Variants in PACSIN2 observed in about 807,000 individuals in gnomAD.
PACSIN2 encodes protein kinase C and casein kinase substrate in neurons 2, also known as protein kinase C and casein kinase substrate in neurons protein 2.
PACSIN2 carries 25 observed loss-of-function variants against 63.8 expected under a neutral mutation model. The ratio of observed to expected loss-of-function variants is 0.39; its 90% CI spans 0.29 to 0.55. The LOEUF (loss-of-function observed/expected upper bound fraction) is 0.55. PACSIN2 is among the 20% of genes least tolerant of loss of function. The pLI is 0.62. For missense variants in PACSIN2, 518 were observed against 646.9 expected (o/e 0.80, Z 2.16); for synonymous variants, 255 against 256.2 (o/e 1.00, Z 0.05).
chr22:42,945,645 A>G (rs1933384190), intron 1 of PACSIN2: 2 of 152,200 alleles, frequency 1.3e-5, no homozygotes, highest in African/African-American at 4.8e-5. Flanking sequence ...TACCACATTC[A>G]ATCAGCTTCC....
At chr22:42,941,241 C>G (rs965969943) in intron 1 of PACSIN2, among the ~76,000 whole-genome samples, 1 of 152,116 alleles carries the variant, frequency 6.6e-6, no homozygotes, top group African/African-American at 2.4e-5. Flanking sequence ...CTTTTTGTTG[C>G]TAAGTAATAT....
At chr22:42,998,576 C>G (rs1923562453) in intron 1 of PACSIN2, among the ~76,000 whole-genome samples, 1 of 152,198 alleles carries the variant, frequency 6.6e-6, no homozygotes, top group Non-Finnish European at 1.5e-5. Flanking sequence ...CTCCAGATGA[C>G]AAAAGGCTAC....
At chr22:42,979,523 C>CAAAAAAAAAAAAAAAAAAAA (rs768725896) in intron 1 of PACSIN2, among the ~76,000 whole-genome samples, 1 of 61,646 alleles carries the variant, frequency 1.6e-5, no homozygotes, top group African/African-American at 6.2e-5. Context: ...GACTCCCTCT[C>CAAAAAAAAAAAAAAAAAAAA]AAAAAAAAAA....
At chr22:42,875,217 A>G (rs894437030) in intron 10 of PACSIN2, among the ~76,000 whole-genome samples, 1 of 151,016 alleles carries the variant, frequency 6.6e-6, no homozygotes, top group Non-Finnish European at 1.5e-5. Flanking sequence ...TGGTATGAAC[A>G]TGGCTCACTG....
intron 1 of PACSIN2, among the ~76,000 whole-genome samples, chr22:42,941,460 C>T (rs1933155638): frequency 6.6e-6 from 1 of 152,096 alleles, no homozygotes; most frequent in Non-Finnish European, 1.5e-5. Context: ...CAGGAGTTTC[C>T]AACATTCAGC....
At chr22:43,009,972 T>C (rs554935836) in intron 1 of PACSIN2, among the ~76,000 whole-genome samples, 1 of 150,060 alleles carries the variant, frequency 6.7e-6, no homozygotes, top group South Asian at 2.1e-4. Flanking sequence ...CGGGTTCTAG[T>C]GATTCTCCTG....
chr22:42,936,163 C>T (rs1218746299), intron 1 of PACSIN2, among the ~76,000 whole-genome samples: 1 of 151,246 alleles, frequency 6.6e-6, no homozygotes, highest in African/African-American at 2.4e-5. Flanking sequence ...TTGCAGTGAG[C>T]CAAGATTGCG....
chr22:42,971,937 T>C (rs1438545492), intron 1 of PACSIN2, among the ~76,000 whole-genome samples: 9 of 138,268 alleles, frequency 6.5e-5, no homozygotes, highest in African/African-American at 2.5e-4. Flanking sequence ...AGGTGGGGGG[T>C]GCCTCTGCCC....
intron 10 of PACSIN2, among the ~76,000 whole-genome samples, chr22:42,875,645 C>A (rs917408192): frequency 6.6e-6 from 1 of 152,110 alleles, no homozygotes; most frequent in African/African-American, 2.4e-5. Context: ...AAGTGATTCT[C>A]CTGCCGCAGC....
intron 1 of PACSIN2, among the ~76,000 whole-genome samples, chr22:42,923,466 T>C (rs375293300): frequency 1.6e-4 from 25 of 152,302 alleles, no homozygotes; most frequent in Non-Finnish European, 3.1e-4. Flanking sequence ...TTCACTCTGT[T>C]GCCCAGGCTG....
At chr22:42,963,802 T>A (rs529675210) in intron 1 of PACSIN2, among the ~76,000 whole-genome samples, 1 of 151,376 alleles carries the variant, frequency 6.6e-6, no homozygotes, top group Admixed American at 6.6e-5. Context: ...AATCAAGATA[T>A]TTGGCAAAAG....
At position 42,948,106 on chromosome 22, in the gene PACSIN2, C is replaced by T. The variant is rs1288562390; in HGVS notation, c.-77-35949G>A. On this transcript the variant is annotated intron_variant, in intron 1 of 10. Coordinates refer to ENST00000263246, the MANE Select transcript of PACSIN2 (RefSeq NM_001184970.3). ...CTTCAGCAGGAGCAGCAAGGAAAGGCATCCCAGGTAGAGGAACCTGTGTGA... is the reference window on the plus strand; with the variant it reads ...CTTCAGCAGGAGCAGCAAGGAAAGGTATCCCAGGTAGAGGAACCTGTGTGA... Among the ~76,000 whole-genome samples the T allele has an allele frequency of 2.0e-5, 3 of 152,212 alleles. No individual in the cohort carries two copies. In the East Asian group the frequency reaches 5.8e-4, roughly 29 times the overall value.
chr22:42,994,388 C>T (rs1188116995), intron 1 of PACSIN2, among the ~76,000 whole-genome samples: 1 of 152,244 alleles, frequency 6.6e-6, no homozygotes, highest in Non-Finnish European at 1.5e-5. Flanking sequence ...AAACCAGGCA[C>T]ACACATGAAT....
intron 1 of PACSIN2, among the ~76,000 whole-genome samples, chr22:42,931,249 C>T (rs932349009): frequency 1.3e-5 from 2 of 152,224 alleles, no homozygotes; most frequent in African/African-American, 2.4e-5. Context: ...AGCCTTGCTG[C>T]AAACCAGCTG....
Position 42,876,139 on chromosome 22 carries a change from G to C in PACSIN2, c.1346C>G (p.Ala449Gly), listed in dbSNP as rs766312969. The C allele has an allele frequency of 1.2e-6, 2 of 1,608,428 alleles. No individual in the cohort carries two copies. Among genetic ancestry groups the C allele is most frequent in the East Asian group, 2.2e-5 (1 of 44,658 alleles). The change falls in exon 10 of 11, where the codon GCT (alanine) becomes GGT (glycine). Residue 449 changes from alanine to glycine, a missense_variant and splice_region_variant. Ala to Gly is a moderately conservative substitution (Grantham distance 60). Around this residue, in one of 2 missense-constraint regions of PACSIN2, gnomAD observed 507 missense variants for 612.3 expected, o/e 0.83. Coordinates refer to ENST00000263246, the MANE Select transcript of PACSIN2 (RefSeq NM_001184970.3). The part of the protein sequence containing the change: ...GQEHDELSFK[A>G]GDELTKMEDE... ...GGATGCTGGGGGAGCCCACCTACCA[G>C]CCTTGAAGCTCAGCTCATCATGCTC...
intron 1 of PACSIN2, among the ~76,000 whole-genome samples, chr22:42,989,523 G>A (rs1386222626): frequency 1.3e-5 from 2 of 148,192 alleles, no homozygotes; most frequent in African/African-American, 2.5e-5. Flanking sequence ...AAGGCCAGGT[G>A]TGGTGGTTCA....
At chr22:42,929,832 T>A (rs966220699) in intron 1 of PACSIN2, among the ~76,000 whole-genome samples, 3 of 152,176 alleles carry the variant, frequency 2.0e-5, no homozygotes, top group African/African-American at 7.2e-5. Flanking sequence ...AGATACTAAT[T>A]ATTCTTTAAG....
At chr22:42,999,195 A>G (rs571022703) in intron 1 of PACSIN2, among the ~76,000 whole-genome samples, 33 of 152,328 alleles carry the variant, frequency 2.2e-4, no homozygotes, top group African/African-American at 7.9e-4. Context: ...CCAGAGCCCA[A>G]AAGTGCTCGC....
At chr22:42,986,273 G>A (rs1255749595) in intron 1 of PACSIN2, among the ~76,000 whole-genome samples, 2 of 152,148 alleles carry the variant, frequency 1.3e-5, no homozygotes, top group African/African-American at 2.4e-5. Context: ...GTGCCACTGC[G>A]TCAGCCACGA....
Sources: gnomAD v4.1 joint callset for allele counts (sites outside exome capture counted in the v4.1 genomes callset) on GRCh38, gnomAD v4.1.1 for gene constraint, gnomAD v4.1.1 regional missense constraint, MANE v1.5 for transcripts, NCBI Gene and HGNC (gene_info 2026-07-23, HGNC 2026-07-21) for gene names.